The following SNTB1 variants were observed in gnomAD, a reference collection of about 807,000 sequenced individuals.
SNTB1 encodes beta-1-syntrophin.
Under a neutral mutation model 48.9 loss-of-function variants are expected in SNTB1, and 36 were observed. The ratio of observed to expected loss-of-function variants is 0.74; its 90% confidence interval spans 0.56 to 0.97. The LOEUF (loss-of-function observed/expected upper bound fraction) is 0.97, where lower values mean the gene tolerates loss of function less well. Ranked by LOEUF, SNTB1 falls within the 50% of genes least tolerant of loss-of-function variation. SNTB1 has a pLI of 0.00. For synonymous variants in SNTB1, 299 were observed against 294.6 expected (o/e 1.01, Z -0.15); for missense variants, 786 against 703.4 (o/e 1.12, Z -1.33).
intron 1 of SNTB1, among the ~76,000 whole-genome samples, chr8:120,802,682 G>A (rs922136672): frequency 6.6e-6 from 1 of 152,058 alleles, no homozygotes; most frequent in African/African-American, 2.4e-5. Flanking sequence ...ACAATTGAAT[G>A]CTATTGTATT....
At position 120,732,277 on chromosome 8, in the gene SNTB1, C is replaced by A. The variant is rs149069324; in HGVS notation, c.572-38369G>T. Among the ~76,000 whole-genome samples, 137 of 152,264 alleles carry A rather than the reference C, an allele frequency of 9.0e-4. 1 individual carries two copies. Among genetic ancestry groups the A allele is most frequent in the Admixed American group, 2.2e-3 (33 of 15,294 alleles). On this transcript the variant is annotated intron_variant, in intron 1 of 6. Coordinates refer to ENST00000517992, the MANE Select transcript of SNTB1 (RefSeq NM_021021.4). ...GCAATATTGAACAACCAAGAGGAAG[C>A]CAGCATTACAGTTTATGATTAAAAT... is the stretch of plus-strand genomic sequence containing the variant.
At chr8:120,783,363 T>A (rs1587159584) in intron 1 of SNTB1, among the ~76,000 whole-genome samples, 3 of 152,240 alleles carry the variant, frequency 2.0e-5, no homozygotes, top group Middle Eastern at 3.4e-3. Flanking sequence ...ATGCATTGTT[T>A]AAAATGAAAG....
rs1818588882 is a variant in SNTB1, at chr8:120,717,903, A to T, written c.572-23995T>A. Reference sequence around the variant, plus strand: ...AAAGAGCCATACAGTAGTGCCACGGACAGGCTTGAGATGGAAGAAAAGAGG... The same window carrying T: ...AAAGAGCCATACAGTAGTGCCACGGTCAGGCTTGAGATGGAAGAAAAGAGG... On this transcript the variant is annotated intron_variant, in intron 1 of 6. Transcript: ENST00000517992. Among the ~76,000 whole-genome samples the T allele has an allele frequency of 2.6e-5, 4 of 152,220 alleles. No individual in the cohort carries two copies. The South Asian group carries it at 6.2e-4, about 24-fold the overall frequency.
At chr8:120,692,552 C>T (rs867493535) in intron 2 of SNTB1, among the ~76,000 whole-genome samples, 4 of 152,062 alleles carry the variant, frequency 2.6e-5, no homozygotes, top group Non-Finnish European at 5.9e-5. Context: ...GGATGAGGGA[C>T]CCTGAATTTT....
intron 1 of SNTB1, among the ~76,000 whole-genome samples, chr8:120,783,475 T>C (rs1217980637): frequency 6.6e-6 from 1 of 152,144 alleles, no homozygotes; most frequent in East Asian, 1.9e-4. Flanking sequence ...ATAATGTCAA[T>C]ACCCCTAACC....
intron 3 of SNTB1, among the ~76,000 whole-genome samples, chr8:120,620,908 T>C (rs113992675): frequency 5.4e-5 from 6 of 110,150 alleles, no homozygotes; most frequent in East Asian, 2.7e-4. Context: ...CATCCTTCCC[T>C]CTCTTCCTCC....
At chr8:120,804,718 GC>G (rs1029499413) in intron 1 of SNTB1, among the ~76,000 whole-genome samples, 3 of 151,734 alleles carry the variant, frequency 2.0e-5, no homozygotes, top group African/African-American at 7.3e-5. Context: ...TCTGTAATAC[GC>G]CCCCCCAAGG....
chr8:120,811,185 C>A, intron 1 of SNTB1, 88 bp downstream of exon 1: 2 of 1,491,584 alleles, frequency 1.3e-6, no homozygotes, highest in Non-Finnish European at 1.8e-6. Context: ...CCGCATGTGG[C>A]CGAGTGAGTG....
At chr8:120,748,654 G>C (rs1819164376) in intron 1 of SNTB1, among the ~76,000 whole-genome samples, 1 of 152,054 alleles carries the variant, frequency 6.6e-6, no homozygotes, top group East Asian at 1.9e-4. Context: ...TAATTCCAAA[G>C]GAAAATAAAA....
Position 120,775,750 on chromosome 8 carries a change from GGAAGGAAA to G in SNTB1, c.571+35515_571+35522del, listed in dbSNP as rs1174596828. Among the ~76,000 whole-genome samples the G allele has an allele frequency of 7.1e-4, 94 of 132,056 alleles. 1 individual carries two copies. Among genetic ancestry groups the G allele is most frequent in the African/African-American group, 2.4e-3 (80 of 33,684 alleles). 86.6% of individuals were successfully genotyped at this position (132,056 alleles called of 152,430 possible). A position where few individuals can be genotyped will look rare whatever the true frequency, so the allele number is the denominator to read the frequency against. ...AGGAAGGAAGGAAGGAAGGAAGGAAGGAAGGAAAGAAGGAAAGAAGGAAGGAACAGAAA... is the reference window on the plus strand; with the variant it reads ...AGGAAGGAAGGAAGGAAGGAAGGAAGGAAGGAAAGAAGGAAGGAACAGAAA... On this transcript the variant is annotated intron_variant, in intron 1 of 6. Transcript: ENST00000517992.
chr8:120,729,481 A>T (rs1291701063), intron 1 of SNTB1, among the ~76,000 whole-genome samples: 2 of 152,236 alleles, frequency 1.3e-5, no homozygotes, highest in South Asian at 4.1e-4. Flanking sequence ...ATGTGCTTGT[A>T]TATGTCTAGA....
At chr8:120,689,687 T>A (rs1818094045) in intron 2 of SNTB1, among the ~76,000 whole-genome samples, 1 of 152,206 alleles carries the variant, frequency 6.6e-6, no homozygotes, top group Non-Finnish European at 1.5e-5. Flanking sequence ...AATGCAACAA[T>A]GTCAGTTTAT....
At chr8:120,742,230 T>C (rs1034082654) in intron 1 of SNTB1, among the ~76,000 whole-genome samples, 1 of 152,236 alleles carries the variant, frequency 6.6e-6, no homozygotes, top group African/African-American at 2.4e-5. Flanking sequence ...CTGGCTTAAG[T>C]AAAACCATTT....
intron 4 of SNTB1, among the ~76,000 whole-genome samples, chr8:120,560,131 G>A (rs1242327261): frequency 6.6e-6 from 1 of 152,136 alleles, no homozygotes; most frequent in Non-Finnish European, 1.5e-5. Context: ...CTAACTCCCT[G>A]CATCATTTCC....
At chr8:120,716,394 A>G (rs1818558975) in intron 1 of SNTB1, among the ~76,000 whole-genome samples, 1 of 152,160 alleles carries the variant, frequency 6.6e-6, no homozygotes, top group Non-Finnish European at 1.5e-5. Flanking sequence ...TATTTTCTTC[A>G]CACAGCCACA....
chr8:120,679,473 T>C (rs1817893253), intron 2 of SNTB1, among the ~76,000 whole-genome samples: 1 of 152,180 alleles, frequency 6.6e-6, no homozygotes, highest in African/African-American at 2.4e-5. Flanking sequence ...TGCAGTAAGC[T>C]AACTAATAGT....
chr8:120,811,057 G>A (rs1053196939), intron 1 of SNTB1, among the ~76,000 whole-genome samples: 1 of 152,072 alleles, frequency 6.6e-6, no homozygotes, highest in Non-Finnish European at 1.5e-5. Flanking sequence ...GAAAGACTGC[G>A]GGCTGGAGAC....
chr8:120,734,088 A>G (rs1818897308), intron 1 of SNTB1, among the ~76,000 whole-genome samples: 1 of 152,224 alleles, frequency 6.6e-6, no homozygotes, highest in African/African-American at 2.4e-5. Context: ...AATGCAAATT[A>G]TAGAGGAGCA....
At chr8:120,572,535 T>C (rs767858063) in intron 4 of SNTB1, among the ~76,000 whole-genome samples, 2 of 152,126 alleles carry the variant, frequency 1.3e-5, no homozygotes, top group African/African-American at 2.4e-5. Context: ...GTTTGATTCA[T>C]TTCTGTTTTT....
Sources: gnomAD v4.1 joint callset for allele counts (sites outside exome capture counted in the v4.1 genomes callset) on GRCh38, gnomAD v4.1.1 for gene constraint, MANE v1.5 for transcripts, NCBI Gene and HGNC (gene_info 2026-07-23, HGNC 2026-07-21) for gene names.